ANKRD29: variants seen among roughly 807,000 people sequenced by gnomAD.
ANKRD29 encodes ankyrin repeat domain-containing protein 29.
Under a neutral mutation model 38.0 loss-of-function variants are expected in ANKRD29, and 32 were observed. The ratio of observed to expected loss-of-function variants is 0.84; its 90% confidence interval spans 0.64 to 1.13. The LOEUF (loss-of-function observed/expected upper bound fraction) is 1.13, where lower values mean the gene tolerates loss of function less well. Among genes scored for constraint, ANKRD29 ranks in the 50% most tolerant of loss-of-function variants. The pLI, the probability that ANKRD29 is intolerant of heterozygous loss-of-function variation, is 0.00. For missense variants in ANKRD29, 357 were observed against 377.9 expected (o/e 0.94, Z 0.46); for synonymous variants, 135 against 152.4 (o/e 0.89, Z 0.84).
rs1274049046 is a variant in ANKRD29, at chr18:23,635,907, T to C, written c.331-1758A>G. Among the ~76,000 whole-genome samples, 3 of 151,946 alleles carry C rather than the reference T, an allele frequency of 2.0e-5. No individual in the cohort carries two copies. In the East Asian group the frequency reaches 5.8e-4, roughly 29 times the overall value. On this transcript the variant is annotated intron_variant, in intron 4 of 9. Coordinates refer to ENST00000592179, the MANE Select transcript of ANKRD29 (RefSeq NM_173505.4). ...CTGTGGTGGGGGAGGGTGCTTGAGA[T>C]GGGCTTTGAAGTGTGGGGAATGGAG...
rs112432633 is a variant in ANKRD29 at position 23,660,997 on chromosome 18, C to A, written c.21+1713G>T. ...ACTAAATCCAATGGACTTTTCAATT[C>A]TTTGTTTATTTGATTTCCCTGTGGC... On this transcript the variant is annotated intron_variant, in intron 1 of 9. Transcript: ENST00000592179. 4.3e-3 allele frequency among the ~76,000 whole-genome samples: 661 copies of A among 152,314 alleles called. 7 individuals are homozygous for A. The highest frequency in any genetic ancestry group is 0.015 in the African/African-American group (636 of 41,550).
intron 1 of ANKRD29, 99 bp from the exon 2 acceptor site, chr18:23,649,292 G>T: frequency 1.2e-6 from 1 of 868,252 alleles, no homozygotes; most frequent in Non-Finnish European, 1.9e-6. Context: ...AGAACATCCA[G>T]ATGTGTTGCA....
rs779702027 is a variant in ANKRD29 at position 23,601,269 on chromosome 18, A to G, written c.863T>C (p.Ile288Thr). ...LPAELTKNER[I>T]LRLLRSKEGP... is the part of the protein sequence containing the mutation. ...TTCTTTACTTCTCAGGAGACGCAAT[A>G]TACGTTCATTTTTGGTTAGTTCTGC... Residue 288 changes from isoleucine (I) to threonine (T), a missense_variant, in exon 10 of 10, where the codon ATA (isoleucine) becomes ACA (threonine). Coordinates refer to ENST00000592179, the MANE Select transcript of ANKRD29 (RefSeq NM_173505.4). 1.9e-6 allele frequency: 3 copies of G among 1,614,066 alleles called. No homozygotes were observed. Among genetic ancestry groups the G allele is most frequent in the Non-Finnish European group, 1.7e-6 (2 of 1,179,984 alleles).
chr18:23,662,672 C>T (rs1303413191), intron 1 of ANKRD29, 38 bp downstream of exon 1: 73 of 1,433,022 alleles, frequency 5.1e-5, no homozygotes, highest in Non-Finnish European at 6.6e-5. Context: ...CCGCCCGAGC[C>T]CGGCCCCAGC....
intron 9 of ANKRD29, among the ~76,000 whole-genome samples, chr18:23,602,534 G>T (rs1313046262): frequency 1.3e-5 from 2 of 152,170 alleles, no homozygotes; most frequent in Admixed American, 1.3e-4. Flanking sequence ...GTGTGATGTG[G>T]AAGTGGCTCT....
At chr18:23,660,582 G>A (rs1190348508) in intron 1 of ANKRD29, among the ~76,000 whole-genome samples, 4 of 152,142 alleles carry the variant, frequency 2.6e-5, no homozygotes, top group African/African-American at 4.8e-5. Context: ...TGAGGCGGGC[G>A]ATCACGTGAG....
At chr18:23,660,681 C>T (rs921444443) in intron 1 of ANKRD29, among the ~76,000 whole-genome samples, 3 of 152,198 alleles carry the variant, frequency 2.0e-5, no homozygotes, top group African/African-American at 7.2e-5. Context: ...GTGTCAGGCA[C>T]CTGTAATCCC....
chr18:23,627,766 A>G (rs2145679679), intron 6 of ANKRD29, among the ~76,000 whole-genome samples: 1 of 152,340 alleles, frequency 6.6e-6, no homozygotes, highest in East Asian at 1.9e-4. Flanking sequence ...ATGGCCCCCA[A>G]ATCAAACTTA....
At chr18:23,646,061 ACT>A (rs2060135621) in intron 3 of ANKRD29, 126 bp downstream of exon 3, 1 of 817,290 alleles carries the variant, frequency 1.2e-6, no homozygotes, top group East Asian at 2.6e-5. Context: ...GGCACAATAA[ACT>A]CTGCAATGGG....
intron 6 of ANKRD29, among the ~76,000 whole-genome samples, chr18:23,628,029 G>A (rs2059883598): frequency 6.6e-6 from 1 of 152,094 alleles, no homozygotes; most frequent in Non-Finnish European, 1.5e-5. Context: ...ACATTACATT[G>A]ATTACAATGT....
intron 3 of ANKRD29, among the ~76,000 whole-genome samples, chr18:23,641,858 C>T (rs2060081974): frequency 6.6e-6 from 1 of 152,216 alleles, no homozygotes; most frequent in Non-Finnish European, 1.5e-5. Flanking sequence ...CAGGAAGGAA[C>T]TACACACTGT....
chr18:23,644,425 C>T (rs1342372005), intron 3 of ANKRD29, among the ~76,000 whole-genome samples: 1 of 152,192 alleles, frequency 6.6e-6, no homozygotes, highest in East Asian at 1.9e-4. Context: ...TAATTTTAAA[C>T]TGTAATTCTA....
chr18:23,629,134 G>A (rs1162699992), intron 6 of ANKRD29, among the ~76,000 whole-genome samples: 4 of 152,192 alleles, frequency 2.6e-5, no homozygotes, highest in African/African-American at 4.8e-5. Flanking sequence ...ACAGGCATGC[G>A]CCACCGCGCC....
At chr18:23,655,903 C>T (rs2060274332) in intron 1 of ANKRD29, among the ~76,000 whole-genome samples, 1 of 149,520 alleles carries the variant, frequency 6.7e-6, no homozygotes. Flanking sequence ...ACCATCCCGG[C>T]TAAAACGGTG....
intron 1 of ANKRD29, among the ~76,000 whole-genome samples, chr18:23,660,626 C>T (rs986111837): frequency 2.0e-5 from 3 of 152,028 alleles, no homozygotes; most frequent in South Asian, 2.1e-4. Flanking sequence ...GCCAACATGG[C>T]GAAACCCCGT....
intron 6 of ANKRD29, among the ~76,000 whole-genome samples, chr18:23,625,431 G>A (rs1005628548): frequency 6.6e-6 from 1 of 151,722 alleles, no homozygotes; most frequent in African/African-American, 2.4e-5. Flanking sequence ...ATAAACCTGG[G>A]GACCACATAC....
intron 5 of ANKRD29, among the ~76,000 whole-genome samples, chr18:23,632,533 G>GTATATATATATATATATA (rs61584775): frequency 3.9e-4 from 51 of 130,944 alleles, no homozygotes; most frequent in Admixed American, 1.5e-3. Context: ...GTGTGTGTGT[G>GTATATATATATATATATA]TATATATATA....
chr18:23,601,637 C>T (rs768829425), intron 9 of ANKRD29, among the ~76,000 whole-genome samples: 16 of 152,032 alleles, frequency 1.1e-4, no homozygotes, highest in Admixed American at 9.2e-4. Flanking sequence ...CAATAAGTAC[C>T]GGTCAAATTA....
intron 3 of ANKRD29, among the ~76,000 whole-genome samples, chr18:23,641,667 G>A (rs995023969): frequency 1.3e-5 from 2 of 152,186 alleles, no homozygotes; most frequent in Non-Finnish European, 2.9e-5. Context: ...AGGCAGACAC[G>A]TTCCCACCCA....
Sources: allele counts gnomAD v4.1 joint callset (sites outside exome capture counted in the v4.1 genomes callset), GRCh38; gene constraint gnomAD v4.1.1; transcripts MANE v1.5; gene names NCBI Gene and HGNC (gene_info 2026-07-23, HGNC 2026-07-21).